The following RPTOR variants were observed in gnomAD, a reference collection of about 807,000 sequenced individuals.
The protein encoded by RPTOR is regulatory-associated protein of mTOR.
Under a neutral mutation model 169.9 loss-of-function variants are expected in RPTOR, and 21 were observed. That is an observed-to-expected ratio of 0.12 (90% CI 0.09 to 0.18). The LOEUF (loss-of-function observed/expected upper bound fraction) is 0.18, where lower values mean the gene tolerates loss of function less well. Among genes scored for constraint, RPTOR ranks in the 10% least tolerant of loss-of-function variants. The pLI, the probability that RPTOR is intolerant of heterozygous loss-of-function variation, is 1.00. For missense variants in RPTOR, 1,133 were observed against 1,855.9 expected (o/e 0.61, Z 7.16); for synonymous variants, 732 against 753.2 (o/e 0.97, Z 0.46).
intron 7 of RPTOR, among the ~76,000 whole-genome samples, chr17:80,809,330 T>G (rs900457948): frequency 2.6e-5 from 4 of 152,184 alleles, no homozygotes; most frequent in African/African-American, 9.7e-5. Flanking sequence ...TAAGTGGGAT[T>G]ACAGGCGGGC....
chr17:80,570,747 T>G (rs185546273), intron 1 of RPTOR, among the ~76,000 whole-genome samples: 16 of 152,154 alleles, frequency 1.1e-4, no homozygotes, highest in Non-Finnish European at 1.9e-4. Flanking sequence ...AGGCGTGAGC[T>G]ACCATGCTGG....
intron 1 of RPTOR, among the ~76,000 whole-genome samples, chr17:80,565,608 G>A (rs2084574252): frequency 6.6e-6 from 1 of 151,600 alleles, no homozygotes; most frequent in African/African-American, 2.4e-5. Flanking sequence ...AGGGGTTAGA[G>A]CCCCAGGGCT....
intron 1 of RPTOR, among the ~76,000 whole-genome samples, chr17:80,588,059 G>A (rs2065076579): frequency 6.6e-6 from 1 of 151,580 alleles, no homozygotes; most frequent in Non-Finnish European, 1.5e-5. Context: ...TTAACGTAAT[G>A]TCCTCCTGGT....
chr17:80,850,792 C>T (rs1038313896), intron 11 of RPTOR, among the ~76,000 whole-genome samples: 1 of 152,166 alleles, frequency 6.6e-6, no homozygotes, highest in African/African-American at 2.4e-5. Context: ...ACTCCAAAAC[C>T]GCCCTGCTCA....
At position 80,731,170 on chromosome 17, in the gene RPTOR, C is replaced by A. The variant is rs1598263576; in HGVS notation, c.654+464C>A. On this transcript the variant is annotated intron_variant, in intron 5 of 33. Transcript: ENST00000306801. ...TGGGATTACAGGCTTGAGCACTGAG[C>A]CCGGCCCAGTACAAACCTACAGACT... Among the ~76,000 whole-genome samples the A allele has an allele frequency of 2.0e-5, 3 of 152,268 alleles. 1 individual carries two copies. In the South Asian group the frequency reaches 6.2e-4, roughly 32 times the overall value.
intron 21 of RPTOR, among the ~76,000 whole-genome samples, chr17:80,922,106 A>C (rs2068752410): frequency 6.6e-6 from 1 of 152,210 alleles, no homozygotes; most frequent in Non-Finnish European, 1.5e-5. Flanking sequence ...GGGTGTAAAC[A>C]GTGGCCTGCG....
Position 80,924,447 on chromosome 17 carries a change from G to A in RPTOR, c.2808+774G>A, listed in dbSNP as rs796680462. ...GAAGTTAGCGGCCGCCTTGCAGGAT[G>A]CCCTGGAGCAGGAACGGCCATGTTG... On this transcript the variant is annotated intron_variant, in intron 23 of 33. Transcript: ENST00000306801. 2.2e-4 allele frequency among the ~76,000 whole-genome samples: 33 copies of A among 152,272 alleles called. 1 individual carries two copies. Among genetic ancestry groups the A allele is most frequent in the African/African-American group, 7.9e-4 (33 of 41,568 alleles).
chr17:80,906,280 C>T (rs1420228377), intron 20 of RPTOR, among the ~76,000 whole-genome samples: 8 of 152,108 alleles, frequency 5.3e-5, no homozygotes, highest in Non-Finnish European at 1.0e-4. Flanking sequence ...TCCTAGGAGC[C>T]GGCTCCGCTG....
chr17:80,649,823 C>T (rs1350311750), intron 3 of RPTOR, among the ~76,000 whole-genome samples: 4 of 152,312 alleles, frequency 2.6e-5, no homozygotes, highest in African/African-American at 7.2e-5. Context: ...TTTCCACGTG[C>T]GTGCCGTGTT....
intron 3 of RPTOR, among the ~76,000 whole-genome samples, chr17:80,679,976 C>T (rs985921756): frequency 5.9e-5 from 9 of 152,020 alleles, no homozygotes; most frequent in African/African-American, 2.2e-4. Context: ...GGAAGACCTC[C>T]CCCAGAGTCC....
intron 3 of RPTOR, among the ~76,000 whole-genome samples, chr17:80,691,544 C>T (rs2065991727): frequency 6.6e-6 from 1 of 152,174 alleles, no homozygotes; most frequent in Non-Finnish European, 1.5e-5. Flanking sequence ...ATTCGTTCTT[C>T]ACCGATGTCC....
intron 6 of RPTOR, among the ~76,000 whole-genome samples, chr17:80,777,652 T>A (rs1282768097): frequency 6.6e-6 from 1 of 152,192 alleles, no homozygotes; most frequent in Non-Finnish European, 1.5e-5. Flanking sequence ...ACTTTTAGTG[T>A]CATGTTTAAG....
chr17:80,609,282 C>A lies in RPTOR; in HGVS notation c.163-16409C>A, dbSNP rs189298441. On this transcript the variant is annotated intron_variant, in intron 1 of 33. Coordinates refer to ENST00000306801, the MANE Select transcript of RPTOR (RefSeq NM_020761.3). The surrounding 1 kb of genome is among the most constrained non-coding windows in gnomAD (Gnocchi z 4.8). ...TCGGAAGAGGCATTTGGAAATGACACGCTCTGTCCAGGAACTGCAGTAAAC... is the reference window on the plus strand; with the variant it reads ...TCGGAAGAGGCATTTGGAAATGACAAGCTCTGTCCAGGAACTGCAGTAAAC... 1.3e-5 allele frequency among the ~76,000 whole-genome samples: 2 copies of A among 152,178 alleles called. No homozygotes were observed. Among genetic ancestry groups the A allele is most frequent in the East Asian group, 3.9e-4 (2 of 5,190 alleles).
In RPTOR at chr17:80,556,684, A is replaced by G. The variant is rs887473183; in HGVS notation, c.162+10893A>G. Among the ~76,000 whole-genome samples the G allele has an allele frequency of 3.9e-5, 6 of 152,138 alleles. No individual in the cohort carries two copies. In the South Asian group the frequency reaches 1.0e-3, roughly 26 times the overall value. On this transcript the variant is annotated intron_variant, in intron 1 of 33. Transcript: ENST00000306801. Reference sequence around the variant, plus strand: ...GTGTAGTGTGGACTGGCTGGCTGGTACAGTTCCGCTCTTTTTATTTGCTCT... The same window carrying G: ...GTGTAGTGTGGACTGGCTGGCTGGTGCAGTTCCGCTCTTTTTATTTGCTCT...
chr17:80,906,912 C>T (rs996360362), intron 20 of RPTOR, among the ~76,000 whole-genome samples: 5 of 152,278 alleles, frequency 3.3e-5, no homozygotes, highest in African/African-American at 7.2e-5. Flanking sequence ...TCTGCACTCA[C>T]GGTGGGGGCG....
chr17:80,846,216 G>A (rs1472365282), intron 10 of RPTOR, among the ~76,000 whole-genome samples: 4 of 152,246 alleles, frequency 2.6e-5, no homozygotes, highest in African/African-American at 7.2e-5. Flanking sequence ...GCCCCAGCTC[G>A]GTGCCCTGGC....
intron 3 of RPTOR, among the ~76,000 whole-genome samples, chr17:80,666,929 T>C (rs2065784738): frequency 6.6e-6 from 1 of 152,166 alleles, no homozygotes; most frequent in East Asian, 1.9e-4. Flanking sequence ...TACCGTATCC[T>C]CAGAGAAGGC....
At chr17:80,555,657 T>G (rs1323498636) in intron 1 of RPTOR, among the ~76,000 whole-genome samples, 2 of 152,214 alleles carry the variant, frequency 1.3e-5, no homozygotes, top group Admixed American at 6.5e-5. Context: ...AATGACATTA[T>G]TACGGGGAGC....
intron 6 of RPTOR, among the ~76,000 whole-genome samples, chr17:80,780,970 T>C (rs2340770): frequency 0.85 from 129,423 of 152,238 alleles, 55,582 homozygotes; most frequent in East Asian, 1. Context: ...AGGATCCTGT[T>C]GCCTCAGCCC....
Sources: gnomAD v4.1 joint callset for allele counts (sites outside exome capture counted in the v4.1 genomes callset) on GRCh38, gnomAD v4.1.1 for gene constraint, Gnocchi (gnomAD v3.1) non-coding constraint, MANE v1.5 for transcripts, NCBI Gene and HGNC (gene_info 2026-07-23, HGNC 2026-07-21) for gene names.